FBXL7: variants seen among roughly 807,000 people sequenced by gnomAD.
The protein encoded by FBXL7 is F-box and leucine rich repeat protein 7, also known as F-box/LRR-repeat protein 7.
A neutral mutation model predicts 38.3 loss-of-function variants in FBXL7; 12 were observed. That is an observed-to-expected ratio of 0.31 (90% CI 0.20 to 0.51). FBXL7 has a LOEUF of 0.51. Ranked by LOEUF, FBXL7 falls within the 20% of genes least tolerant of loss-of-function variation. FBXL7 has a pLI of 0.98. For synonymous variants in FBXL7, 297 were observed against 300.9 expected (o/e 0.99, Z 0.13); for missense variants, 567 against 676.4 (o/e 0.84, Z 1.79).
At chr5:15,506,087 A>G (rs1736639023) in intron 1 of FBXL7, among the ~76,000 whole-genome samples, 1 of 152,178 alleles carries the variant, frequency 6.6e-6, no homozygotes. Context: ...TTCTTACTGT[A>G]AATCTTAGCA....
At chr5:15,540,576 C>T (rs1055600537) in intron 1 of FBXL7, among the ~76,000 whole-genome samples, 2 of 152,156 alleles carry the variant, frequency 1.3e-5, no homozygotes, top group African/African-American at 4.8e-5. Flanking sequence ...ATGATGTTCA[C>T]CTGGTATCTT....
intron 2 of FBXL7, among the ~76,000 whole-genome samples, chr5:15,865,354 G>C (rs1014659967): frequency 6.6e-6 from 1 of 152,178 alleles, no homozygotes; most frequent in African/African-American, 2.4e-5. Flanking sequence ...TGGTCCCACA[G>C]GGAGAAAACA....
chr5:15,505,703 C>G (rs1410093512), intron 1 of FBXL7, among the ~76,000 whole-genome samples: 3 of 152,120 alleles, frequency 2.0e-5, no homozygotes, highest in African/African-American at 7.2e-5. Flanking sequence ...GAGCAGGCAC[C>G]ATGAGCCTTA....
chr5:15,711,275 C>A (rs1200407993), intron 2 of FBXL7, among the ~76,000 whole-genome samples: 1 of 152,192 alleles, frequency 6.6e-6, no homozygotes, highest in African/African-American at 2.4e-5. Context: ...TCTGGAGATT[C>A]CTGGCTTGCA....
intron 1 of FBXL7, among the ~76,000 whole-genome samples, chr5:15,586,998 A>T (rs189406284): frequency 6.6e-6 from 1 of 152,130 alleles, no homozygotes; most frequent in South Asian, 2.1e-4. Flanking sequence ...AGCCACCATC[A>T]TCTCCCACTG....
At chr5:15,549,569 A>C (rs1738004913) in intron 1 of FBXL7, among the ~76,000 whole-genome samples, 1 of 152,166 alleles carries the variant, frequency 6.6e-6, no homozygotes, top group African/African-American at 2.4e-5. Flanking sequence ...GGAAAATGTT[A>C]TCCCCTCACC....
Position 15,704,957 on chromosome 5 carries a change from A to G in FBXL7, c.127+88885A>G, listed in dbSNP as rs532961609. 5.1e-4 allele frequency among the ~76,000 whole-genome samples: 63 copies of G among 123,194 alleles called. 1 individual carries two copies. The highest frequency in any genetic ancestry group is 8.8e-4 in the Non-Finnish European group (51 of 58,044). 80.8% of individuals were successfully genotyped at this position (123,194 alleles called of 152,430 possible). ...TAGACAGTTCATTTAGATTGGTAACATGGGCTAGGTAAAAAAAAAAAAATT... is the reference window on the plus strand; with the variant it reads ...TAGACAGTTCATTTAGATTGGTAACGTGGGCTAGGTAAAAAAAAAAAAATT... On this transcript the variant is annotated intron_variant, in intron 2 of 3. Coordinates refer to ENST00000504595, the MANE Select transcript of FBXL7 (RefSeq NM_012304.5).
intron 2 of FBXL7, among the ~76,000 whole-genome samples, chr5:15,802,440 C>G (rs999608753): frequency 2.6e-5 from 4 of 151,776 alleles, no homozygotes; most frequent in Non-Finnish European, 5.9e-5. Context: ...TGTTTGTTCA[C>G]TGCTAAACAG....
intron 2 of FBXL7, among the ~76,000 whole-genome samples, chr5:15,720,911 GA>G (rs1179386186): frequency 6.6e-6 from 1 of 151,968 alleles, no homozygotes; most frequent in Non-Finnish European, 1.5e-5. Flanking sequence ...GGTTAAGATA[GA>G]AATATGTTTG....
chr5:15,926,293 A>G (rs1741874469), intron 2 of FBXL7, among the ~76,000 whole-genome samples: 1 of 149,184 alleles, frequency 6.7e-6, no homozygotes, highest in East Asian at 1.9e-4. Context: ...GTATATATGT[A>G]TTATTATATC....
intron 2 of FBXL7, among the ~76,000 whole-genome samples, chr5:15,682,801 A>T (rs1742890053): frequency 6.6e-6 from 1 of 152,224 alleles, no homozygotes; most frequent in Admixed American, 6.5e-5. Flanking sequence ...GCCTGTTGCC[A>T]CATGGCTTCT....
chr5:15,517,752 T>C (rs1005372670), intron 1 of FBXL7, among the ~76,000 whole-genome samples: 1 of 152,174 alleles, frequency 6.6e-6, no homozygotes, highest in Admixed American at 6.5e-5. Flanking sequence ...ACTCCTTATG[T>C]TTACTTCCAC....
At chr5:15,580,750 C>T in intron 1 of FBXL7, 16 of 985,416 alleles carry the variant, frequency 1.6e-5, no homozygotes, top group Non-Finnish European at 1.9e-5. Flanking sequence ...AAGCTTCCCT[C>T]CTGGTGTGTG....
chr5:15,622,434 C>T (rs3097353), intron 2 of FBXL7, among the ~76,000 whole-genome samples: 9,829 of 152,130 alleles, frequency 0.065, 866 homozygotes, highest in East Asian at 0.36. Flanking sequence ...TATCCCTCCC[C>T]GCTCTCCCCA....
chr5:15,928,009 G>T lies in FBXL7; in HGVS notation c.247G>T (p.Glu83Ter). 1 of 1,604,812 alleles carries T rather than the reference G, an allele frequency of 6.2e-7. No homozygotes were observed. The highest frequency in any genetic ancestry group is 8.5e-7 in the Non-Finnish European group (1 of 1,174,298). Residue 83 changes from glutamate to a stop codon, truncating the protein, a stop_gained, in exon 3 of 4, where the codon GAG becomes TAG. Coordinates refer to ENST00000504595, the MANE Select transcript of FBXL7 (RefSeq NM_012304.5). LOFTEE classifies it high-confidence loss of function. This position sits in a 1 kb window ranked among gnomAD's most constrained non-coding sequence, Gnocchi z 4.0. Reference protein sequence around the residue: ...SSTSSSSITGETVAMVHSPPP... With the variant: ...SSTSSSSITG ...CACCTCCTCGTCCTCCATCACCGGG[G>T]AGACGGTGGCCATGGTGCACTCCCC...
At chr5:15,824,963 A>G (rs1011644933) in intron 2 of FBXL7, among the ~76,000 whole-genome samples, 1 of 152,220 alleles carries the variant, frequency 6.6e-6, no homozygotes, top group Admixed American at 6.5e-5. Context: ...CCAGTCTGTG[A>G]ATTTCAGATG....
intron 2 of FBXL7, among the ~76,000 whole-genome samples, chr5:15,822,183 T>C (rs1399350853): frequency 2.9e-5 from 4 of 137,380 alleles, no homozygotes; most frequent in African/African-American, 1.1e-4. Flanking sequence ...AAAGCCCATC[T>C]CTACTAAAAA....
At chr5:15,726,691 AAAAT>A (rs55752648) in intron 2 of FBXL7, among the ~76,000 whole-genome samples, 1,845 of 141,414 alleles carry the variant, frequency 0.013, 37 homozygotes, top group African/African-American at 0.042. Context: ...ACTCCATCTC[AAAAT>A]AAATAAATAA....
intron 2 of FBXL7, among the ~76,000 whole-genome samples, chr5:15,658,979 T>G (rs909663399): frequency 6.6e-6 from 1 of 152,260 alleles, no homozygotes; most frequent in African/African-American, 2.4e-5. Context: ...CTGGGACTTC[T>G]TGCCACTGCC....
Sources: gnomAD v4.1 joint callset for allele counts (sites outside exome capture counted in the v4.1 genomes callset) on GRCh38, gnomAD v4.1.1 for gene constraint, Gnocchi (gnomAD v3.1) non-coding constraint, MANE v1.5 for transcripts, NCBI Gene and HGNC (gene_info 2026-07-23, HGNC 2026-07-21) for gene names.